The following STX8 variants were observed in gnomAD, a reference collection of about 807,000 sequenced individuals.
STX8 encodes the protein syntaxin 8.
Under a neutral mutation model 37.5 loss-of-function variants are expected in STX8, and 23 were observed. The ratio of observed to expected loss-of-function variants is 0.61; its 90% confidence interval spans 0.44 to 0.87. STX8 has a LOEUF of 0.87. Ranked by LOEUF, STX8 falls within the 40% of genes least tolerant of loss-of-function variation. The pLI is 0.00. For synonymous variants in STX8, 115 were observed against 99.1 expected (o/e 1.16, Z -0.95); for missense variants, 313 against 284.7 (o/e 1.10, Z -0.71).
At chr17:9,265,236 T>C (rs2142132075) in intron 7 of STX8, among the ~76,000 whole-genome samples, 1 of 152,198 alleles carries the variant, frequency 6.6e-6, no homozygotes, top group African/African-American at 2.4e-5. Context: ...ATAGATGTCC[T>C]AAAGAGTCAA....
chr17:9,573,282 CACTT>C (rs1210089885), intron 1 of STX8, among the ~76,000 whole-genome samples: 4 of 152,070 alleles, frequency 2.6e-5, no homozygotes, highest in African/African-American at 7.2e-5. Flanking sequence ...TGATAAGAAA[CACTT>C]ACAATGTATT....
intron 7 of STX8, among the ~76,000 whole-genome samples, chr17:9,266,914 T>C (rs749367715): frequency 1.8e-4 from 27 of 152,240 alleles, no homozygotes; most frequent in South Asian, 6.2e-4. Context: ...AGTGTGGCTC[T>C]GAAGCCTGTC....
chr17:9,399,128 G>T (rs149676467), intron 6 of STX8, among the ~76,000 whole-genome samples: 1 of 151,750 alleles, frequency 6.6e-6, no homozygotes, highest in Non-Finnish European at 1.5e-5. Context: ...AATGGAACAG[G>T]AAAGGGTGCA....
At chr17:9,459,058 T>C (rs1905275125) in intron 6 of STX8, among the ~76,000 whole-genome samples, 1 of 152,096 alleles carries the variant, frequency 6.6e-6, no homozygotes, top group East Asian at 1.9e-4. Flanking sequence ...GGTCTCGATC[T>C]CCTGACCTAG....
rs1163718759 is a variant in STX8, at chr17:9,449,796, T to TGGGA, written c.541+42029_541+42032dup. Among the ~76,000 whole-genome samples, 3 of 151,736 alleles carry TGGGA rather than the reference T, an allele frequency of 2.0e-5. No individual in the cohort carries two copies. The East Asian group carries it at 5.8e-4, about 29-fold the overall frequency. On this transcript the variant is annotated intron_variant, in intron 6 of 7. Transcript: ENST00000306357. ...AAACAAATCAGTGATGCCCAGGGGC[T>TGGGA]GGGAGTGAGAAGAGGGTCTACCTGT...
At chr17:9,375,702 C>T (rs867012347) in intron 7 of STX8, among the ~76,000 whole-genome samples, 1 of 152,118 alleles carries the variant, frequency 6.6e-6, no homozygotes, top group Non-Finnish European at 1.5e-5. Flanking sequence ...GCAAAAACCA[C>T]GTTTACTTTT....
At chr17:9,402,553 A>AAG (rs1912660410) in intron 6 of STX8, among the ~76,000 whole-genome samples, 1 of 152,200 alleles carries the variant, frequency 6.6e-6, no homozygotes, top group Non-Finnish European at 1.5e-5. Context: ...AACAAAAATG[A>AAG]GGTAGGGGCG....
chr17:9,304,522 A>AG (rs1908898074), intron 7 of STX8, among the ~76,000 whole-genome samples: 1 of 151,172 alleles, frequency 6.6e-6, no homozygotes, highest in African/African-American at 2.4e-5. Flanking sequence ...AAAAAAAAAA[A>AG]AAAAAAAGAA....
chr17:9,548,820 T>C (rs562728214), intron 3 of STX8, among the ~76,000 whole-genome samples: 104 of 152,148 alleles, frequency 6.8e-4, no homozygotes, highest in Non-Finnish European at 1.4e-3. Context: ...GCTCCCACTT[T>C]GTTAAAAAAA....
At chr17:9,297,470 G>C (rs901738795) in intron 7 of STX8, among the ~76,000 whole-genome samples, 1 of 152,154 alleles carries the variant, frequency 6.6e-6, no homozygotes. Flanking sequence ...TCCTTGGTTG[G>C]TACATGAAAG....
intron 6 of STX8, among the ~76,000 whole-genome samples, chr17:9,414,161 A>T (rs971051920): frequency 6.7e-6 from 1 of 148,718 alleles, no homozygotes; most frequent in African/African-American, 2.5e-5. Flanking sequence ...CATCCATGAA[A>T]GCAAATGCCA....
chr17:9,410,657 A>G (rs1174391291), intron 6 of STX8, among the ~76,000 whole-genome samples: 1 of 152,230 alleles, frequency 6.6e-6, no homozygotes, highest in Admixed American at 6.5e-5. Flanking sequence ...TTTTCCAAAT[A>G]TAAATTAATT....
intron 7 of STX8, among the ~76,000 whole-genome samples, chr17:9,360,418 T>C (rs1468787887): frequency 6.6e-6 from 1 of 151,698 alleles, no homozygotes; most frequent in East Asian, 1.9e-4. Context: ...TTATTTTTAG[T>C]AGAGATGAGG....
chr17:9,546,590 G>GTTTTTTTTTTT (rs745424722), intron 3 of STX8, among the ~76,000 whole-genome samples: 773 of 62,258 alleles, frequency 0.012, 19 homozygotes, highest in African/African-American at 0.042. Context: ...CTACAAAAGT[G>GTTTTTTTTTTT]GTTTTTTTTT....
Position 9,509,014 on chromosome 17 carries a change from C to T in STX8, c.324-3852G>A, listed in dbSNP as rs148349592. 6.8e-4 allele frequency among the ~76,000 whole-genome samples: 104 copies of T among 152,188 alleles called. 1 individual carries two copies. In the East Asian group the frequency reaches 0.018, roughly 27 times the overall value. On this transcript the variant is annotated intron_variant, in intron 4 of 7. Coordinates refer to ENST00000306357, the MANE Select transcript of STX8 (RefSeq NM_004853.3). ...CTGTTATCCCAGTACTTTGGGAGGC[C>T]GAGGCTGGCAGATCACGATGTCAGG...
intron 6 of STX8, chr17:9,461,283 T>A (rs1216045152): frequency 6.6e-6 from 1 of 151,914 alleles, no homozygotes; most frequent in Admixed American, 6.6e-5. Flanking sequence ...ATGGAGGCAA[T>A]CCAGGAGGTC....
intron 4 of STX8, among the ~76,000 whole-genome samples, chr17:9,517,788 TAA>T (rs11318149): frequency 0.21 from 20,367 of 98,804 alleles, 2,042 homozygotes; most frequent in African/African-American, 0.28. Flanking sequence ...ACCCCTATTG[TAA>T]AAAAAAAAAA....
chr17:9,410,191 C>T (rs1912934570), intron 6 of STX8, among the ~76,000 whole-genome samples: 1 of 152,126 alleles, frequency 6.6e-6, no homozygotes, highest in South Asian at 2.1e-4. Flanking sequence ...TCTTTTATTC[C>T]TGACTAATGA....
chr17:9,317,356 C>T (rs1252802465), intron 7 of STX8, among the ~76,000 whole-genome samples: 1 of 152,152 alleles, frequency 6.6e-6, no homozygotes, highest in Admixed American at 6.6e-5. Context: ...GATGGCAAAG[C>T]ATGAGTGAGA....
Sources: gnomAD v4.1 joint callset for allele counts (sites outside exome capture counted in the v4.1 genomes callset) on GRCh38, gnomAD v4.1.1 for gene constraint, MANE v1.5 for transcripts, NCBI Gene and HGNC (gene_info 2026-07-23, HGNC 2026-07-21) for gene names.